NINL: variants seen among roughly 807,000 people sequenced by gnomAD.
NINL encodes ninein-like protein.
NINL carries 153 observed loss-of-function variants against 160.3 expected under a neutral mutation model. The ratio of observed to expected loss-of-function variants is 0.95; its 90% CI spans 0.84 to 1.09. The LOEUF (loss-of-function observed/expected upper bound fraction) is 1.09. NINL is among the 50% of genes least tolerant of loss of function. The pLI, the probability that NINL is intolerant of heterozygous loss-of-function variation, is 0.00. For missense variants in NINL, 1,829 were observed against 1,764.0 expected (o/e 1.04, Z -0.66); for synonymous variants, 800 against 734.8 (o/e 1.09, Z -1.43).
intron 7 of NINL, among the ~76,000 whole-genome samples, chr20:25,503,715 G>T (rs2063910198): frequency 6.6e-6 from 1 of 152,224 alleles, no homozygotes; most frequent in African/African-American, 2.4e-5. Context: ...GCTTGGAGAA[G>T]GTAACTCCCC....
intron 19 of NINL, 183 bp from the exon 20 acceptor site, chr20:25,462,724 G>A: frequency 1.8e-6 from 1 of 549,208 alleles, no homozygotes; most frequent in Non-Finnish European, 3.2e-6. Context: ...GCACATTCAT[G>A]GTTCACTGCA....
chr20:25,549,069 C>A (rs1452276853), intron 1 of NINL, among the ~76,000 whole-genome samples: 3 of 130,256 alleles, frequency 2.3e-5, no homozygotes, highest in Admixed American at 7.4e-5. Flanking sequence ...ACCCCGGCAC[C>A]CACGGCCACA....
At chr20:25,482,231 G>C (rs555562778) in intron 13 of NINL, 131 bp from the exon 14 acceptor site, 42 of 975,040 alleles carry the variant, frequency 4.3e-5, no homozygotes, top group Admixed American at 3.1e-4. Context: ...TTGCTTCCCA[G>C]CTTCCAGCAG....
At chr20:25,509,410 C>T (rs2064025871) in intron 5 of NINL, among the ~76,000 whole-genome samples, 1 of 152,240 alleles carries the variant, frequency 6.6e-6, no homozygotes, top group African/African-American at 2.4e-5. Context: ...CTTCCTTGAG[C>T]ACTGCAGCCC....
chr20:25,484,079 G>C (rs1415837265), intron 13 of NINL, among the ~76,000 whole-genome samples: 1 of 152,226 alleles, frequency 6.6e-6, no homozygotes, highest in Non-Finnish European at 1.5e-5. Context: ...GAGAGGCCCA[G>C]ATGGAGAAGG....
At chr20:25,582,685 A>T (rs1473877980) in intron 1 of NINL, among the ~76,000 whole-genome samples, 3 of 152,194 alleles carry the variant, frequency 2.0e-5, no homozygotes, top group African/African-American at 7.2e-5. Context: ...ACAAGCATGA[A>T]AGTAGACTGC....
chr20:25,514,694 GAT>G (rs768390014), intron 3 of NINL, among the ~76,000 whole-genome samples: 2 of 152,364 alleles, frequency 1.3e-5, no homozygotes, highest in South Asian at 4.1e-4. Context: ...ATGGGCTGGA[GAT>G]AGAGCACCGC....
chr20:25,577,971 T>C (rs571771957), intron 1 of NINL, among the ~76,000 whole-genome samples: 3 of 152,174 alleles, frequency 2.0e-5, no homozygotes, highest in African/African-American at 7.2e-5. Context: ...TAGCTGGGAT[T>C]ACAGGCATGT....
intron 1 of NINL, among the ~76,000 whole-genome samples, chr20:25,532,963 G>T (rs895634023): frequency 1.3e-5 from 2 of 152,108 alleles, no homozygotes; most frequent in African/African-American, 2.4e-5. Context: ...GGCCAGGAAG[G>T]CTTAGAAAAA....
chr20:25,537,783 C>T (rs1255843424), intron 1 of NINL, among the ~76,000 whole-genome samples: 2 of 152,184 alleles, frequency 1.3e-5, no homozygotes, highest in African/African-American at 4.8e-5. Flanking sequence ...GTGGGGGGCG[C>T]AGCTGCCTCA....
intron 1 of NINL, among the ~76,000 whole-genome samples, chr20:25,556,084 C>A (rs2064863127): frequency 6.6e-6 from 1 of 152,004 alleles, no homozygotes; most frequent in Non-Finnish European, 1.5e-5. Context: ...AGTTCAAGAC[C>A]ACCCTGGGCA....
rs767396220 is a variant in NINL at position 25,504,986 on chromosome 20, C to T, written c.610G>A (p.Val204Met). Residue 204 changes from valine (V) to methionine (M), a missense_variant, in exon 6 of 24, where the codon GTG (valine) becomes ATG (methionine). Coordinates refer to ENST00000278886, the MANE Select transcript of NINL (RefSeq NM_025176.6). ...CTGCCCACCCCCAGCTCTTCCCACA[C>T]GCCCCGGATCTGGCTCTCTGGGGTG... The part of the protein sequence containing the change: ...FDTPESQIRG[V>M]WEELGVGSSG... The T allele has an allele frequency of 4.0e-5, 64 of 1,613,738 alleles. No homozygotes were observed. The highest frequency in any genetic ancestry group is 3.4e-4 in the Middle Eastern group (2 of 5,942).
chr20:25,457,322 C>CA (rs1600977606), intron 22 of NINL, among the ~76,000 whole-genome samples: 1 of 150,304 alleles, frequency 6.7e-6, no homozygotes, highest in Non-Finnish European at 1.5e-5. Context: ...GACTCTGTCT[C>CA]AAAAAACAAA....
chr20:25,573,423 C>T (rs528361620), intron 1 of NINL, among the ~76,000 whole-genome samples: 142 of 152,244 alleles, frequency 9.3e-4, no homozygotes, highest in African/African-American at 3.2e-3. Flanking sequence ...TCCAGCCATG[C>T]GATTAGGAGC....
In NINL at chr20:25,498,478, CA is replaced by C. The variant is rs976220712; in HGVS notation, c.1033-133del. 75 of 1,208,188 alleles carry C rather than the reference CA, an allele frequency of 6.2e-5. No individual in the cohort carries two copies. The African/African-American group carries it at 9.7e-4, about 16-fold the overall frequency. 74.8% of individuals were successfully genotyped at this position (1,208,188 alleles called of 1,614,324 possible). ...GGCAGCACCTGCCCCTCCTGTCTGC[CA>C]AGGTCTCTGCGTCTTGAGGGGTGCT... On this transcript the variant is annotated intron_variant, in intron 8 of 23. Transcript: ENST00000278886.
At chr20:25,515,284 C>T (rs1003808986) in intron 3 of NINL, among the ~76,000 whole-genome samples, 1 of 152,230 alleles carries the variant, frequency 6.6e-6, no homozygotes, top group Admixed American at 6.5e-5. Context: ...AATGACTGCC[C>T]TGCTGGGTTT....
intron 1 of NINL, among the ~76,000 whole-genome samples, chr20:25,565,665 C>T (rs566067238): frequency 2.6e-5 from 4 of 152,252 alleles, no homozygotes; most frequent in South Asian, 2.1e-4. Flanking sequence ...TAAAGAAATA[C>T]GTAGAAACCC....
chr20:25,561,566 G>A lies in NINL; in HGVS notation c.-12+23889C>T, dbSNP rs1426626839. 7.9e-5 allele frequency among the ~76,000 whole-genome samples: 12 copies of A among 151,600 alleles called. 1 individual carries two copies. Among genetic ancestry groups the A allele is most frequent in the South Asian group, 4.2e-4 (2 of 4,794 alleles). ...AAGTGAGAAGCGTCTCTGCCCGGCC[G>A]CCATCCCACCTAGGAAGTGAGGAGC... is the stretch of plus-strand genomic sequence containing the variant. On this transcript the variant is annotated intron_variant, in intron 1 of 23. Transcript: ENST00000278886.
chr20:25,553,470 T>C (rs1296799279), intron 1 of NINL, among the ~76,000 whole-genome samples: 1 of 152,212 alleles, frequency 6.6e-6, no homozygotes, highest in Non-Finnish European at 1.5e-5. Flanking sequence ...AGGTACTTTC[T>C]GATTTTCTTT....
Sources: gnomAD v4.1 joint callset for allele counts (sites outside exome capture counted in the v4.1 genomes callset) on GRCh38, gnomAD v4.1.1 for gene constraint, MANE v1.5 for transcripts, NCBI Gene and HGNC (gene_info 2026-07-23, HGNC 2026-07-21) for gene names.